ZNF362: variants seen among roughly 807,000 people sequenced by gnomAD.
ZNF362 encodes the protein rotund homolog.
Under a neutral mutation model 42.9 loss-of-function variants are expected in ZNF362, and 11 were observed. The observed-to-expected ratio is 0.26, with a 90% confidence interval of 0.16 to 0.42. ZNF362 has a LOEUF of 0.42. Ranked by LOEUF, ZNF362 falls within the 20% of genes least tolerant of loss-of-function variation. The pLI is 1.00. For synonymous variants in ZNF362, 255 were observed against 257.3 expected (o/e 0.99, Z 0.09); for missense variants, 362 against 576.2 (o/e 0.63, Z 3.81).
In ZNF362 at chr1:33,281,513, C is replaced by A; in HGVS notation, c.684-74C>A. On this transcript the variant is annotated intron_variant, in intron 5 of 8. Coordinates refer to ENST00000539719, the MANE Select transcript of ZNF362 (RefSeq NM_152493.3). This position sits in a 1 kb window ranked among gnomAD's most constrained non-coding sequence, Gnocchi z 4.8. ...GACCTGTCCCAGGTGCAAGGTCTCT[C>A]TGATGTAGAAGGCCTCCCCTGAGAT... The A allele has an allele frequency of 1.4e-6, 2 of 1,457,222 alleles. No individual in the cohort carries two copies. The highest frequency in any genetic ancestry group is 9.6e-7 in the Non-Finnish European group (1 of 1,045,860). The allele number at this position is 1,457,222 out of a possible 1,614,324, so 90.3% of individuals were successfully genotyped here.
At chr1:33,164,589 T>C in the ZNF362 span, 1 of 152,378 alleles carries the variant, frequency 6.6e-6, no homozygotes, top group Non-Finnish European at 1.5e-5. Flanking sequence ...AAAAGTCTGT[T>C]TGTTTGTTTG....
the ZNF362 span, among the ~76,000 whole-genome samples, chr1:33,239,821 G>C: frequency 6.6e-6 from 1 of 152,086 alleles, no homozygotes; most frequent in African/African-American, 2.4e-5. Context: ...ATATCAGATG[G>C]GAACATGTCA....
chr1:33,275,831 G>A (rs1336370002), intron 2 of ZNF362, among the ~76,000 whole-genome samples: 1 of 152,116 alleles, frequency 6.6e-6, no homozygotes, highest in Non-Finnish European at 1.5e-5. Context: ...GGTGGGAGCT[G>A]GTTGAGAGTA....
the ZNF362 span, among the ~76,000 whole-genome samples, chr1:33,204,307 C>T: frequency 6.6e-6 from 1 of 152,010 alleles, no homozygotes; most frequent in African/African-American, 2.4e-5. Flanking sequence ...TTTCTGGGCT[C>T]TCTATTCTGT....
the ZNF362 span, among the ~76,000 whole-genome samples, chr1:33,149,458 TA>T: frequency 5.9e-4 from 87 of 146,416 alleles, no homozygotes; most frequent in East Asian, 1.0e-3. Flanking sequence ...TGGATTCTTT[TA>T]AAAAAAAAAA....
the ZNF362 span, among the ~76,000 whole-genome samples, chr1:33,155,825 T>C: frequency 1.3e-5 from 2 of 152,252 alleles, no homozygotes; most frequent in African/African-American, 4.8e-5. Flanking sequence ...GGGGGGGATC[T>C]GTGATTTTGG....
the ZNF362 span, among the ~76,000 whole-genome samples, chr1:33,237,232 G>T: frequency 6.6e-6 from 1 of 152,162 alleles, no homozygotes; most frequent in Non-Finnish European, 1.5e-5. Context: ...GTTGTGGTTT[G>T]AATTAGAAAA....
intron 6 of ZNF362, among the ~76,000 whole-genome samples, chr1:33,293,103 G>A (rs770189379): frequency 7.9e-5 from 12 of 152,208 alleles, no homozygotes; most frequent in Non-Finnish European, 1.8e-4. Flanking sequence ...CAGTGGGGTT[G>A]GCTCTGTGGT....
At chr1:33,181,627 C>T in the ZNF362 span, 2 of 1,026,950 alleles carry the variant, frequency 1.9e-6, no homozygotes, top group Non-Finnish European at 2.7e-6. The surrounding 1 kb of genome is among the most constrained non-coding windows in gnomAD (Gnocchi z 6.5). Flanking sequence ...GCTGAGACTC[C>T]GTGGGACGCC....
chr1:33,293,100 G>T (rs960572453), intron 6 of ZNF362, among the ~76,000 whole-genome samples: 2 of 152,224 alleles, frequency 1.3e-5, no homozygotes, highest in African/African-American at 2.4e-5. Flanking sequence ...GTCCAGTGGG[G>T]TTGGCTCTGT....
chr1:33,206,064 A>C, the ZNF362 span, among the ~76,000 whole-genome samples: 3 of 152,208 alleles, frequency 2.0e-5, no homozygotes, highest in Non-Finnish European at 4.4e-5. Context: ...TTTTAAAACA[A>C]ATAATATTGG....
chr1:33,259,052 C>T lies in ZNF362; in HGVS notation c.-89+2398C>T, dbSNP rs140746697. Among the ~76,000 whole-genome samples the T allele has an allele frequency of 6.8e-3, 1,038 of 152,290 alleles. 16 individuals carry two copies. The highest frequency in any genetic ancestry group is 0.023 in the African/African-American group (968 of 41,544). On this transcript the variant is annotated intron_variant, in intron 1 of 8. Transcript: ENST00000539719. ...TGTAAACATCCAGAGGCCCACCCCA[C>T]CCAAAGAATGTCAGACTGAAAAGGC...
chr1:33,281,160 CTGAGT>C lies in ZNF362; in HGVS notation c.684-425_684-421del, dbSNP rs1242350577. ...TGCCAGGGCTGCATCTCCAGGAATT[CTGAGT>C]TAATTTTCTGAGGATGGAAAGTATG... On this transcript the variant is annotated intron_variant, in intron 5 of 8. Transcript: ENST00000539719. This position sits in a 1 kb window ranked among gnomAD's most constrained non-coding sequence, Gnocchi z 4.8. Among the ~76,000 whole-genome samples the C allele has an allele frequency of 6.6e-6, 1 of 152,176 alleles. No individual in the cohort carries two copies. The highest frequency in any genetic ancestry group is 1.5e-5 in the Non-Finnish European group (1 of 68,022).
rs12084943 is a variant in ZNF362 at position 33,274,997 on chromosome 1, A to G, written c.39-1103A>G. On this transcript the variant is annotated intron_variant, in intron 2 of 8. Coordinates refer to ENST00000539719, the MANE Select transcript of ZNF362 (RefSeq NM_152493.3). Reference sequence around the variant, plus strand: ...CCGAAGCCCTATAGCTACCATTCCAATAGGGGTTTCTCAAGCTCATAGAAT... The same window carrying G: ...CCGAAGCCCTATAGCTACCATTCCAGTAGGGGTTTCTCAAGCTCATAGAAT... 549 of 985,440 alleles carry G rather than the reference A, an allele frequency of 5.6e-4. 2 individuals carry two copies. In the African/African-American group the frequency reaches 9.1e-3, roughly 16 times the overall value. 61.0% of individuals were successfully genotyped at this position (985,440 alleles called of 1,614,324 possible). A position where few individuals can be genotyped will look rare whatever the true frequency, so the allele number is the denominator to read the frequency against.
chr1:33,295,329 C>T (rs1358435477), intron 8 of ZNF362, 24 bp downstream of exon 8: 9 of 1,609,318 alleles, frequency 5.6e-6, no homozygotes, highest in Non-Finnish European at 6.8e-6. Context: ...GGCCTGTGCC[C>T]TGCCCCGGGG....
At chr1:33,287,231 C>T (rs1477229344) in intron 6 of ZNF362, among the ~76,000 whole-genome samples, 1 of 152,190 alleles carries the variant, frequency 6.6e-6, no homozygotes, top group Non-Finnish European at 1.5e-5. Flanking sequence ...GTGTAAGGGT[C>T]GTCTGTACCT....
In ZNF362 at chr1:33,295,034, C is replaced by T; in HGVS notation, c.987+19C>T. The T allele has an allele frequency of 6.2e-7, 1 of 1,613,924 alleles. No homozygotes were observed. The highest frequency in any genetic ancestry group is 8.5e-7 in the Non-Finnish European group (1 of 1,179,896). Reference sequence around the variant, plus strand: ...CCTCCAGGTGAGTGCCTGCCTGCCTCCTGCCCACCAGGTGCTCTGGTGCCC... The same window carrying T: ...CCTCCAGGTGAGTGCCTGCCTGCCTTCTGCCCACCAGGTGCTCTGGTGCCC... On this transcript the variant is annotated intron_variant, in intron 7 of 8. Coordinates refer to ENST00000539719, the MANE Select transcript of ZNF362 (RefSeq NM_152493.3).
At chr1:33,195,001 T>A in the ZNF362 span, 1 of 152,058 alleles carries the variant, frequency 6.6e-6, no homozygotes, top group Non-Finnish European at 1.5e-5. Context: ...AAAATTTCAT[T>A]TCTAGACATA....
At chr1:33,140,799 C>T in the ZNF362 span, among the ~76,000 whole-genome samples, 1 of 152,200 alleles carries the variant, frequency 6.6e-6, no homozygotes. The surrounding 1 kb of genome is among the most constrained non-coding windows in gnomAD (Gnocchi z 4.0). Flanking sequence ...CCAGCTCTCT[C>T]TTCTCCTTGG....
Sources: gnomAD v4.1 joint callset for allele counts (sites outside exome capture counted in the v4.1 genomes callset) on GRCh38, gnomAD v4.1.1 for gene constraint, Gnocchi (gnomAD v3.1) non-coding constraint, MANE v1.5 for transcripts, NCBI Gene and HGNC (gene_info 2026-07-23, HGNC 2026-07-21) for gene names.